Variants in PRDM15 observed in about 807,000 individuals in gnomAD.
PRDM15 encodes the protein PR/SET domain 15.
PRDM15 carries 64 observed loss-of-function variants against 128.6 expected under a neutral mutation model. The observed-to-expected ratio is 0.50, with a 90% confidence interval of 0.41 to 0.61. PRDM15 has a LOEUF of 0.61. Ranked by LOEUF, PRDM15 falls within the 20% of genes least tolerant of loss-of-function variation. The probability of loss-of-function intolerance (pLI) is 0.00; values close to 1 mark genes in which losing one functional copy is unlikely to be tolerated. For synonymous variants in PRDM15, 615 were observed against 621.8 expected, an observed-to-expected ratio of 0.99 and a Z score of 0.16; for missense variants, 1,242 against 1,569.1, an observed-to-expected ratio of 0.79 and a Z score of 3.52.
chr21:41,803,028 C>T (rs1032598858), intron 22 of PRDM15, 107 bp from the exon 23 acceptor site: 22 of 830,622 alleles, frequency 2.6e-5, no homozygotes, highest in African/African-American at 2.0e-4. Flanking sequence ...TCAGTGGGGA[C>T]GCTTGTGGGC....
chr21:41,834,710 G>T, intron 11 of PRDM15: 1 of 658,004 alleles, frequency 1.5e-6, no homozygotes, highest in Non-Finnish European at 2.7e-6. Context: ...CGTCATCACT[G>T]CAGAATACAG....
rs1413875378 is a variant in PRDM15, at chr21:41,879,231, C to T, written c.-10+39G>A. On this transcript the variant is annotated intron_variant, in intron 1 of 23. Coordinates refer to ENST00000398548, the MANE Select transcript of PRDM15 (RefSeq NM_001040424.3). The surrounding 1 kb of genome is among the most constrained non-coding windows in gnomAD (Gnocchi z 5.1). ...TGCGGCCCGGGGCCGGCGGGGCGCACGCCGGGGCGGGCGGCGGGCGCAGGG... is the reference window on the plus strand; with the variant it reads ...TGCGGCCCGGGGCCGGCGGGGCGCATGCCGGGGCGGGCGGCGGGCGCAGGG... 2.1e-5 allele frequency: 18 copies of T among 839,612 alleles called. No individual in the cohort carries two copies. The highest frequency in any genetic ancestry group is 2.6e-5 in the Non-Finnish European group (18 of 702,350). 52.0% of individuals were successfully genotyped at this position (839,612 alleles called of 1,614,324 possible).
chr21:41,835,379 G>T, intron 11 of PRDM15, 58 bp downstream of exon 11: 3 of 1,380,406 alleles, frequency 2.2e-6, no homozygotes, highest in Middle Eastern at 1.8e-4. Context: ...GGTCTCCGCG[G>T]CGTATCTAGA....
chr21:41,802,396 A>G (rs187032752), intron 23 of PRDM15, among the ~76,000 whole-genome samples: 278 of 152,310 alleles, frequency 1.8e-3, no homozygotes, highest in African/African-American at 6.4e-3. Flanking sequence ...CCATAAGGGC[A>G]CTTGGGTAGG....
chr21:41,873,440 C>T (rs376718783), intron 1 of PRDM15, among the ~76,000 whole-genome samples: 16 of 152,214 alleles, frequency 1.1e-4, no homozygotes, highest in Non-Finnish European at 5.9e-5. Flanking sequence ...CAGCTTCCAG[C>T]GTCGTGGCTG....
chr21:41,836,060 G>A, intron 10 of PRDM15, 53 bp downstream of exon 10: 1 of 1,184,482 alleles, frequency 8.4e-7, no homozygotes, highest in South Asian at 1.2e-5. Flanking sequence ...TTGGTCAGTT[G>A]TCTGTGTTGT....
In PRDM15 at chr21:41,859,618, T is replaced by A; in HGVS notation, c.105A>T (p.Lys35Asn). 6.2e-7 allele frequency: 1 copy of A among 1,613,984 alleles called. No individual in the cohort carries two copies. Among genetic ancestry groups the A allele is most frequent in the Non-Finnish European group, 8.5e-7 (1 of 1,179,974 alleles). Residue 35 changes from lysine (K) to asparagine (N), a missense_variant, in exon 3 of 24, where the codon AAA (lysine) becomes AAT (asparagine). Coordinates refer to ENST00000398548, the MANE Select transcript of PRDM15 (RefSeq NM_001040424.3). The surrounding 1 kb of genome is among the most constrained non-coding windows in gnomAD (Gnocchi z 5.3). ...TTGCCCTGCTTAACACAAAGGAGTC[T>A]TTGACCATGACCACTGGGCCCAGCT... ...CPELGPVVMV[K>N]DSFVLSRARS...
At chr21:41,801,829 T>C (rs140133147) in intron 23 of PRDM15, 107 bp from the exon 24 acceptor site, 789 of 1,259,692 alleles carry the variant, frequency 6.3e-4, no homozygotes, top group Non-Finnish European at 8.4e-4. Flanking sequence ...AGCACGACAT[T>C]CTTTGGTGAA....
chr21:41,800,564 G>C lies in PRDM15; in HGVS notation c.*676C>G, dbSNP rs2838127. On this transcript the variant is annotated 3_prime_UTR_variant, in exon 24 of 24. Transcript: ENST00000398548. Reference sequence around the variant, plus strand: ...CGATTCATGGATATTACTAAGATGCGTTTTGAGCTGGAGTCAGTGACCTCA... The same window carrying C: ...CGATTCATGGATATTACTAAGATGCCTTTTGAGCTGGAGTCAGTGACCTCA... The C allele has an allele frequency of 0.76, 115,305 of 152,118 alleles. 44,367 individuals are homozygous for C. Among genetic ancestry groups the C allele is most frequent in the African/African-American group, 0.89 (37,087 of 41,516 alleles). The allele number at this position is 152,118 out of a possible 1,614,324, so 9.4% of individuals were successfully genotyped here.
At chr21:41,803,723 C>T (rs1046540301) in intron 22 of PRDM15, among the ~76,000 whole-genome samples, 6 of 152,134 alleles carry the variant, frequency 3.9e-5, no homozygotes, top group African/African-American at 7.2e-5. Context: ...CTGGAGCCGC[C>T]GTACGTCACT....
chr21:41,816,188 G>A (rs8132485), intron 18 of PRDM15, among the ~76,000 whole-genome samples: 5,887 of 152,320 alleles, frequency 0.039, 362 homozygotes, highest in African/African-American at 0.13. Flanking sequence ...ATGACTAAAG[G>A]TTCCCTTCAA....
chr21:41,831,214 C>T (rs1397809121), intron 11 of PRDM15, among the ~76,000 whole-genome samples: 3 of 152,266 alleles, frequency 2.0e-5, no homozygotes, highest in Admixed American at 2.0e-4. Flanking sequence ...GCGCCTGTCC[C>T]TCTCTGCTGC....
intron 1 of PRDM15, chr21:41,871,666 C>T (rs1333566516): frequency 1.3e-6 from 2 of 1,570,282 alleles, no homozygotes; most frequent in East Asian, 2.3e-5. Flanking sequence ...GAGAAGCCCA[C>T]TGTCCCTCTC....
intron 6 of PRDM15, among the ~76,000 whole-genome samples, chr21:41,845,835 G>T (rs1284791192): frequency 6.6e-6 from 1 of 152,054 alleles, no homozygotes; most frequent in African/African-American, 2.4e-5. Context: ...GAGCAGCAAC[G>T]TCTGTCTGGC....
chr21:41,808,545 A>T (rs1404195222), intron 21 of PRDM15, among the ~76,000 whole-genome samples: 2 of 152,262 alleles, frequency 1.3e-5, no homozygotes, highest in Admixed American at 1.3e-4. Context: ...AAAGGAAGTC[A>T]CTTTCATTAC....
At chr21:41,841,944 T>C (rs1398029368) in intron 6 of PRDM15, among the ~76,000 whole-genome samples, 1 of 152,226 alleles carries the variant, frequency 6.6e-6, no homozygotes, top group Non-Finnish European at 1.5e-5. Flanking sequence ...ATCATCAAAA[T>C]GTGGAATGCA....
intron 3 of PRDM15, chr21:41,858,988 G>C: frequency 6.8e-7 from 1 of 1,468,130 alleles, no homozygotes; most frequent in Non-Finnish European, 9.3e-7. Flanking sequence ...ATCCTCTACA[G>C]AGGCCACCGA....
At position 41,837,936 on chromosome 21, in the gene PRDM15, T is replaced by A. The variant is rs1245679336; in HGVS notation, c.999A>T (p.Pro333=). ...ATTTTDTSSV[P]KFTHHQNNTI... is the part of the protein sequence containing the mutation. ...CCCAGGTGCCAGGCAGGACTTACTT[T>A]GGAACCGAGCTGGTGTCAGTGGTGG... Residue 333 remains proline (P), a splice_region_variant and synonymous_variant, in exon 8 of 24, where the codon CCA becomes CCT. Coordinates refer to ENST00000398548, the MANE Select transcript of PRDM15 (RefSeq NM_001040424.3). 1 of 1,614,180 alleles carries A rather than the reference T, an allele frequency of 6.2e-7. No individual in the cohort carries two copies. The highest frequency in any genetic ancestry group is 2.2e-5 in the East Asian group (1 of 44,876).
chr21:41,839,467 T>C (rs952388417), intron 7 of PRDM15, among the ~76,000 whole-genome samples, 156 bp downstream of exon 7: 9 of 152,198 alleles, frequency 5.9e-5, no homozygotes, highest in African/African-American at 1.9e-4. Context: ...CTAGAGTTGA[T>C]TGAGAGAAAA....
Sources: allele counts gnomAD v4.1 joint callset (sites outside exome capture counted in the v4.1 genomes callset), GRCh38; gene constraint gnomAD v4.1.1; non-coding constraint Gnocchi (gnomAD v3.1); transcripts MANE v1.5; gene names NCBI Gene and HGNC (gene_info 2026-07-23, HGNC 2026-07-21).